The following ESR1 variants were observed in gnomAD, a reference collection of about 807,000 sequenced individuals.
ESR1 encodes the protein estrogen receptor.
Under a neutral mutation model 52.7 loss-of-function variants are expected in ESR1, and 12 were observed. The ratio of observed to expected loss-of-function variants is 0.23; its 90% CI spans 0.15 to 0.37. The LOEUF is 0.37. Among genes scored for constraint, ESR1 ranks in the 10% least tolerant of loss-of-function variants. ESR1 has a pLI of 1.00. For missense variants in ESR1, 584 were observed against 779.7 expected (o/e 0.75, Z 2.99); for synonymous variants, 305 against 316.8 (o/e 0.96, Z 0.39).
intron 1 of ESR1, among the ~76,000 whole-genome samples, chr6:151,666,843 CA>C (rs1287126210): frequency 1.3e-5 from 2 of 151,838 alleles, no homozygotes; most frequent in African/African-American, 2.4e-5. Context: ...CTCAGTGCAC[CA>C]AAACCCAGCA....
intron 6 of ESR1, among the ~76,000 whole-genome samples, chr6:152,089,134 G>C (rs951433047): frequency 6.6e-6 from 1 of 152,094 alleles, no homozygotes; most frequent in African/African-American, 2.4e-5. Context: ...CATGTAAGAG[G>C]CTATCAGGAA....
intron 4 of ESR1, among the ~76,000 whole-genome samples, chr6:151,976,917 C>T (rs1347939267): frequency 6.6e-6 from 1 of 151,888 alleles, no homozygotes. Flanking sequence ...AATAAATCTA[C>T]CACTAAATAT....
At chr6:151,759,762 A>G (rs1784536046) in intron 2 of ESR1, among the ~76,000 whole-genome samples, 1 of 152,180 alleles carries the variant, frequency 6.6e-6, no homozygotes, top group Non-Finnish European at 1.5e-5. Context: ...TTGCGGATGT[A>G]TATCAGGTGG....
At chr6:151,881,764 G>T (rs1792954843) in intron 3 of ESR1, among the ~76,000 whole-genome samples, 1 of 151,938 alleles carries the variant, frequency 6.6e-6, no homozygotes, top group African/African-American at 2.4e-5. Flanking sequence ...GTGCCAGTAG[G>T]CCCAGCTACT....
At chr6:151,837,399 A>C (rs114963355) in intron 1 of ESR1, among the ~76,000 whole-genome samples, 1,559 of 152,242 alleles carry the variant, frequency 0.01, 22 homozygotes, top group African/African-American at 0.036. Context: ...CACCCAGCCC[A>C]GACATCCCTC....
At chr6:151,883,589 C>T (rs1166669603) in intron 3 of ESR1, among the ~76,000 whole-genome samples, 3 of 151,948 alleles carry the variant, frequency 2.0e-5, no homozygotes, top group African/African-American at 7.3e-5. Flanking sequence ...TAGTTACCGC[C>T]AAAAAGGCCC....
At position 151,907,291 on chromosome 6, in the gene ESR1, AG is replaced by A. The variant is rs1219818809; in HGVS notation, c.760+26522del. Among the ~76,000 whole-genome samples the A allele has an allele frequency of 2.0e-5, 3 of 152,196 alleles. No homozygotes were observed. In the South Asian group the frequency reaches 6.2e-4, roughly 31 times the overall value. ...ATTAAACTTATAAATTAATCTGAGG[AG>A]GATTGACATCTTCATGATATTTAGT... On this transcript the variant is annotated intron_variant, in intron 3 of 7. Transcript: ENST00000206249.
chr6:151,948,653 C>G (rs1276210218), intron 4 of ESR1, among the ~76,000 whole-genome samples: 1 of 152,206 alleles, frequency 6.6e-6, no homozygotes, highest in African/African-American at 2.4e-5. Flanking sequence ...GCCCCTCTTC[C>G]TCCTCAGTCC....
intron 3 of ESR1, among the ~76,000 whole-genome samples, chr6:151,926,314 A>C (rs1297288196): frequency 6.6e-6 from 1 of 152,138 alleles, no homozygotes; most frequent in African/African-American, 2.4e-5. Flanking sequence ...TCAGTATTAA[A>C]GGCTATTCTA....
At chr6:151,979,882 G>A (rs921569823) in intron 4 of ESR1, among the ~76,000 whole-genome samples, 6 of 152,132 alleles carry the variant, frequency 3.9e-5, no homozygotes, top group African/African-American at 1.4e-4. Context: ...AACAAGCAGA[G>A]TCTTTGCTGT....
intron 2 of ESR1, among the ~76,000 whole-genome samples, chr6:151,724,805 T>A (rs1781721416): frequency 6.6e-6 from 1 of 152,170 alleles, no homozygotes; most frequent in Non-Finnish European, 1.5e-5. Context: ...CTGGTCTGTA[T>A]TCCTGCTTTT....
intron 5 of ESR1, among the ~76,000 whole-genome samples, chr6:152,044,512 T>C (rs1318068326): frequency 1.3e-5 from 2 of 152,198 alleles, no homozygotes; most frequent in Non-Finnish European, 2.9e-5. Flanking sequence ...GTCTGCAAGC[T>C]GAGGAGCAAG....
chr6:151,960,011 C>A (rs1320732865), intron 4 of ESR1, among the ~76,000 whole-genome samples: 1 of 152,080 alleles, frequency 6.6e-6, no homozygotes, highest in Non-Finnish European at 1.5e-5. Flanking sequence ...AATTTTAATC[C>A]ATTTTGTTCC....
At chr6:151,985,197 A>G (rs992519591) in intron 4 of ESR1, among the ~76,000 whole-genome samples, 1 of 152,004 alleles carries the variant, frequency 6.6e-6, no homozygotes, top group Non-Finnish European at 1.5e-5. Context: ...TTCATGGGAC[A>G]CCAATCTTTG....
chr6:151,839,661 C>T (rs1459334780), intron 1 of ESR1, among the ~76,000 whole-genome samples: 1 of 152,110 alleles, frequency 6.6e-6, no homozygotes, highest in Non-Finnish European at 1.5e-5. Context: ...ATATTAGTCA[C>T]ATCATGGACC....
intron 1 of ESR1, among the ~76,000 whole-genome samples, chr6:151,683,996 G>A (rs1318777970): frequency 1.3e-5 from 2 of 151,770 alleles, no homozygotes; most frequent in South Asian, 2.1e-4. Flanking sequence ...ACAGGCGTGA[G>A]CCACCACACC....
At chr6:151,917,923 A>G (rs1396930566) in intron 3 of ESR1, among the ~76,000 whole-genome samples, 1 of 152,234 alleles carries the variant, frequency 6.6e-6, no homozygotes, top group Non-Finnish European at 1.5e-5. Flanking sequence ...GCTTTGCAGA[A>G]GAATTAATTT....
chr6:151,978,320 A>G (rs562217064), intron 4 of ESR1, among the ~76,000 whole-genome samples: 1 of 152,338 alleles, frequency 6.6e-6, no homozygotes, highest in African/African-American at 2.4e-5. Flanking sequence ...GAATAGGTCC[A>G]GAATTAAGCT....
chr6:151,902,278 C>T (rs1456425674), intron 3 of ESR1, among the ~76,000 whole-genome samples: 1 of 152,150 alleles, frequency 6.6e-6, no homozygotes, highest in African/African-American at 2.4e-5. Context: ...TATCACCTCA[C>T]CCACCAGTTT....
Sources: allele counts gnomAD v4.1 joint callset (sites outside exome capture counted in the v4.1 genomes callset), GRCh38; gene constraint gnomAD v4.1.1; transcripts MANE v1.5; gene names NCBI Gene and HGNC (gene_info 2026-07-23, HGNC 2026-07-21).